KCNQ1: variants seen among roughly 807,000 people sequenced by gnomAD.
KCNQ1 encodes potassium voltage-gated channel subfamily KQT member 1.
A neutral mutation model predicts 72.4 loss-of-function variants in KCNQ1; 49 were observed. That is an observed-to-expected ratio of 0.68 (90% CI 0.54 to 0.86). The LOEUF (loss-of-function observed/expected upper bound fraction) is 0.86, where lower values mean the gene tolerates loss of function less well. Ranked by LOEUF, KCNQ1 falls within the 40% of genes least tolerant of loss-of-function variation. The probability of loss-of-function intolerance (pLI) is 0.00; values close to 1 mark genes in which losing one functional copy is unlikely to be tolerated. For missense variants in KCNQ1, 790 were observed against 945.1 expected (o/e 0.84, Z 2.15); for synonymous variants, 450 against 412.6 (o/e 1.09, Z -1.10).
chr11:2,512,580 C>T (rs754197250), intron 1 of KCNQ1, among the ~76,000 whole-genome samples: 10 of 152,218 alleles, frequency 6.6e-5, no homozygotes, highest in Non-Finnish European at 1.5e-4. Context: ...CAGTGGCTTC[C>T]GGGGATGTGC....
intron 11 of KCNQ1, among the ~76,000 whole-genome samples, chr11:2,739,206 C>T (rs1166914684): frequency 6.6e-6 from 1 of 152,190 alleles, no homozygotes; most frequent in African/African-American, 2.4e-5. Flanking sequence ...AGGGCCCCCA[C>T]CCATCCTGGC....
chr11:2,555,988 TG>T, intron 2 of KCNQ1, among the ~76,000 whole-genome samples: 1 of 152,216 alleles, frequency 6.6e-6, no homozygotes. Flanking sequence ...GCTGATGACC[TG>T]GAGCCCCTGG....
intron 11 of KCNQ1, chr11:2,665,434 C>T (rs1590017657): frequency 5.0e-6 from 2 of 397,724 alleles, no homozygotes; most frequent in East Asian, 7.1e-5. Context: ...TCACTATCCT[C>T]TGCTCACCAA....
intron 15 of KCNQ1, among the ~76,000 whole-genome samples, chr11:2,845,599 G>A (rs1848310633): frequency 6.6e-6 from 1 of 152,192 alleles, no homozygotes; most frequent in Non-Finnish European, 1.5e-5. Flanking sequence ...GGCTCCCTCT[G>A]GCCTGGACCG....
chr11:2,751,030 T>C (rs231893), intron 11 of KCNQ1, among the ~76,000 whole-genome samples: 133,526 of 152,158 alleles, frequency 0.88, 58,706 homozygotes, highest in East Asian at 0.94. Context: ...TCCTTCCTGG[T>C]GGCTCTGTGC....
At chr11:2,753,728 C>T (rs1354909880) in intron 11 of KCNQ1, among the ~76,000 whole-genome samples, 1 of 152,228 alleles carries the variant, frequency 6.6e-6, no homozygotes, top group African/African-American at 2.4e-5. Context: ...CTTGTGACTG[C>T]TGCACATCCT....
At chr11:2,505,042 A>G (rs763267279) in intron 1 of KCNQ1, among the ~76,000 whole-genome samples, 2 of 149,916 alleles carry the variant, frequency 1.3e-5, no homozygotes, top group African/African-American at 2.5e-5. Flanking sequence ...AGTATTTTCT[A>G]ATTTCCCTTC....
rs992042028 is a variant in KCNQ1 at position 2,540,322 on chromosome 11, C to T, written c.477+12304C>T. ...AAAACCAGAGGCCCTGGCCGTGCAC[C>T]ATTGAAGTGTGTCATCATGTGACTT... is the stretch of plus-strand genomic sequence containing the variant. On this transcript the variant is annotated intron_variant, in intron 2 of 15. Coordinates refer to ENST00000155840, the MANE Select transcript of KCNQ1 (RefSeq NM_000218.3). Among the ~76,000 whole-genome samples, 6 of 152,348 alleles carry T rather than the reference C, an allele frequency of 3.9e-5. No homozygotes were observed. The South Asian group carries it at 1.0e-3, about 26-fold the overall frequency.
chr11:2,612,051 T>A lies in KCNQ1; in HGVS notation c.1393+23197T>A. ...TGTTTTCTACTCTTAATTACATATA[T>A]GTTACAACTTAATTACACATACATT... On this transcript the variant is annotated intron_variant, in intron 10 of 15. Coordinates refer to ENST00000155840, the MANE Select transcript of KCNQ1 (RefSeq NM_000218.3). The surrounding 1 kb of genome is among the most constrained non-coding windows in gnomAD (Gnocchi z 5.5). The A allele has an allele frequency of 2.5e-6, 1 of 398,644 alleles. No individual in the cohort carries two copies. Among genetic ancestry groups the A allele is most frequent in the Non-Finnish European group, 4.4e-6 (1 of 226,058 alleles). 24.7% of individuals were successfully genotyped at this position (398,644 alleles called of 1,614,324 possible).
At chr11:2,755,581 TG>T (rs1225719848) in intron 11 of KCNQ1, among the ~76,000 whole-genome samples, 1 of 152,208 alleles carries the variant, frequency 6.6e-6, no homozygotes, top group Non-Finnish European at 1.5e-5. Flanking sequence ...TTTAAAGACT[TG>T]TGGTTAATTG....
rs1850429895 is a variant in KCNQ1, at chr11:2,683,326, C to G, written c.1514+21245C>G. The G allele has an allele frequency of 2.5e-6, 1 of 398,470 alleles. No individual in the cohort carries two copies. Among genetic ancestry groups the G allele is most frequent in the Non-Finnish European group, 4.4e-6 (1 of 226,076 alleles). 24.7% of individuals were successfully genotyped at this position (398,470 alleles called of 1,614,324 possible). On this transcript the variant is annotated intron_variant, in intron 11 of 15. Coordinates refer to ENST00000155840, the MANE Select transcript of KCNQ1 (RefSeq NM_000218.3). This position sits in a 1 kb window ranked among gnomAD's most constrained non-coding sequence, Gnocchi z 4.7. ...CCAGACACATAGAGGCCAGGTTTCC[C>G]CCGCTCAACACTAGGCCACTGTGCC...
intron 11 of KCNQ1, chr11:2,689,726 C>A: frequency 2.5e-6 from 1 of 398,650 alleles, no homozygotes; most frequent in South Asian, 1.3e-4. Context: ...CCTAGAGTGC[C>A]AGAGACTTAG....
intron 10 of KCNQ1, chr11:2,629,476 G>T (rs1371754845): frequency 2.5e-6 from 1 of 398,272 alleles, no homozygotes; most frequent in African/African-American, 2.1e-5. Context: ...TTACATTTAG[G>T]TCTGTGGTCC....
chr11:2,739,596 C>T (rs1846016613), intron 11 of KCNQ1, among the ~76,000 whole-genome samples: 1 of 152,212 alleles, frequency 6.6e-6, no homozygotes, highest in Admixed American at 6.5e-5. Context: ...CTGGTGGTGT[C>T]CTGGTTTTTT....
rs1159223812 is a variant in KCNQ1 at position 2,768,484 on chromosome 11, G to T, written c.1515-360G>T. Among the ~76,000 whole-genome samples the T allele has an allele frequency of 6.6e-6, 1 of 152,142 alleles. No individual in the cohort carries two copies. The highest frequency in any genetic ancestry group is 1.5e-5 in the Non-Finnish European group (1 of 68,036). On this transcript the variant is annotated intron_variant, in intron 11 of 15. Transcript: ENST00000155840. This position sits in a 1 kb window ranked among gnomAD's most constrained non-coding sequence, Gnocchi z 6.7. ...CCCTCTTATCCCATTTGCTGACAAG[G>T]ATCCTGAAGGCCCAAGCATAGAAAG...
At chr11:2,501,565 C>T (rs1847009949) in intron 1 of KCNQ1, among the ~76,000 whole-genome samples, 1 of 151,980 alleles carries the variant, frequency 6.6e-6, no homozygotes, top group Admixed American at 6.6e-5. Context: ...AACCCTGAGA[C>T]TTGATGGCCT....
rs1294742019 is a variant in KCNQ1 at position 2,651,353 on chromosome 11, G to C, written c.1394-10608G>C. ...TCTACAAGCGGCTGAGAGAGCTGGG[G>C]TATTTATCTTTCACTAGTGAGTGCT... On this transcript the variant is annotated intron_variant, in intron 10 of 15. Coordinates refer to ENST00000155840, the MANE Select transcript of KCNQ1 (RefSeq NM_000218.3). This position sits in a 1 kb window ranked among gnomAD's most constrained non-coding sequence, Gnocchi z 6.1. 4 of 398,608 alleles carry C rather than the reference G, an allele frequency of 1.0e-5. No individual in the cohort carries two copies. Among genetic ancestry groups the C allele is most frequent in the African/African-American group, 6.2e-5 (3 of 48,644 alleles). 24.7% of individuals were successfully genotyped at this position (398,608 alleles called of 1,614,324 possible).
At chr11:2,718,248 G>T (rs1851130753) in intron 11 of KCNQ1, among the ~76,000 whole-genome samples, 1 of 152,168 alleles carries the variant, frequency 6.6e-6, no homozygotes, top group Admixed American at 6.5e-5. Context: ...CCTTGTGCTT[G>T]CTCTGGGCTT....
chr11:2,763,723 A>AT (rs1846448727), intron 11 of KCNQ1, among the ~76,000 whole-genome samples: 1 of 151,914 alleles, frequency 6.6e-6, no homozygotes, highest in Non-Finnish European at 1.5e-5. Flanking sequence ...AAGCCTGGCT[A>AT]TTTTTTAAAT....
Sources: allele counts gnomAD v4.1 joint callset (sites outside exome capture counted in the v4.1 genomes callset), GRCh38; gene constraint gnomAD v4.1.1; non-coding constraint Gnocchi (gnomAD v3.1); transcripts MANE v1.5; gene names NCBI Gene and HGNC (gene_info 2026-07-23, HGNC 2026-07-21).